SENP7: variants seen among roughly 807,000 people sequenced by gnomAD.
SENP7 encodes the protein sentrin-specific protease 7.
Under a neutral mutation model 141.2 loss-of-function variants are expected in SENP7, and 64 were observed. That is an observed-to-expected ratio of 0.45 (90% CI 0.37 to 0.56). The LOEUF (loss-of-function observed/expected upper bound fraction) is 0.56. Among genes scored for constraint, SENP7 ranks in the 20% least tolerant of loss-of-function variants. SENP7 has a pLI of 0.00. For missense variants in SENP7, 1,025 were observed against 1,212.2 expected (o/e 0.85, Z 2.29); for synonymous variants, 382 against 426.4 (o/e 0.90, Z 1.28).
intron 12 of SENP7, among the ~76,000 whole-genome samples, chr3:101,350,548 T>A (rs957284520): frequency 2.2e-4 from 33 of 152,032 alleles, no homozygotes; most frequent in African/African-American, 8.0e-4. Flanking sequence ...TTTTCCACAA[T>A]CTGTAATAAA....
chr3:101,379,443 C>A (rs1469143319), intron 6 of SENP7, among the ~76,000 whole-genome samples: 2 of 152,072 alleles, frequency 1.3e-5, no homozygotes, highest in South Asian at 4.1e-4. Flanking sequence ...AATCCCATAT[C>A]TATTAAGGGA....
intron 3 of SENP7, among the ~76,000 whole-genome samples, chr3:101,474,618 T>C (rs1490553301): frequency 6.6e-6 from 1 of 152,190 alleles, no homozygotes; most frequent in Non-Finnish European, 1.5e-5. Context: ...GATCATGCTG[T>C]CTGCAAATAG....
chr3:101,511,307 T>C (rs1221171147), intron 1 of SENP7, among the ~76,000 whole-genome samples: 2 of 152,208 alleles, frequency 1.3e-5, no homozygotes, highest in African/African-American at 4.8e-5. Context: ...AAAAGGAACG[T>C]GACTTGTTGA....
intron 6 of SENP7, among the ~76,000 whole-genome samples, chr3:101,386,692 C>T (rs1336481088): frequency 6.6e-6 from 1 of 152,186 alleles, no homozygotes; most frequent in South Asian, 2.1e-4. Flanking sequence ...ACAAGTAGTG[C>T]AATGCTCCAG....
intron 4 of SENP7, among the ~76,000 whole-genome samples, chr3:101,453,886 AAAC>A (rs2063252263): frequency 6.6e-6 from 1 of 152,154 alleles, no homozygotes; most frequent in African/African-American, 2.4e-5. Context: ...TAAAAAAAAA[AAAC>A]AAATGACCAA....
chr3:101,506,750 G>C (rs894651079), intron 1 of SENP7, among the ~76,000 whole-genome samples: 1 of 152,224 alleles, frequency 6.6e-6, no homozygotes, highest in African/African-American at 2.4e-5. Flanking sequence ...TTCTTGGAAA[G>C]GCACAACTGA....
intron 18 of SENP7, among the ~76,000 whole-genome samples, 182 bp from the exon 19 acceptor site, chr3:101,332,291 A>G (rs1178678421): frequency 6.6e-6 from 1 of 152,202 alleles, no homozygotes; most frequent in Non-Finnish European, 1.5e-5. Flanking sequence ...TTACCAAGGC[A>G]TAAGTAACAC....
intron 11 of SENP7, among the ~76,000 whole-genome samples, chr3:101,356,035 C>T (rs2059733801): frequency 6.6e-6 from 1 of 151,676 alleles, no homozygotes; most frequent in Admixed American, 6.6e-5. Context: ...TATATGAGTG[C>T]TAGTGATTTT....
rs532657885 is a variant in SENP7, at chr3:101,468,512, G to C, written c.187-9460C>G. ...CCATCAAACTAATGGTGGATCTCTC[G>C]GAAGAAACCCTATAAGCCAGAAGAG... is the stretch of plus-strand genomic sequence containing the variant. On this transcript the variant is annotated intron_variant, in intron 3 of 23. Coordinates refer to ENST00000394095, the MANE Select transcript of SENP7 (RefSeq NM_020654.5). Among the ~76,000 whole-genome samples the C allele has an allele frequency of 3.3e-5, 5 of 152,124 alleles. No individual in the cohort carries two copies. In the South Asian group the frequency reaches 8.3e-4, roughly 25 times the overall value.
chr3:101,385,293 G>A (rs1336741557), intron 6 of SENP7, among the ~76,000 whole-genome samples: 2 of 152,010 alleles, frequency 1.3e-5, no homozygotes, highest in African/African-American at 4.8e-5. Flanking sequence ...CAACCTCAAA[G>A]CCCACCCTCA....
chr3:101,503,636 T>C (rs1365220898), intron 1 of SENP7, among the ~76,000 whole-genome samples: 2 of 152,142 alleles, frequency 1.3e-5, no homozygotes, highest in Non-Finnish European at 2.9e-5. Context: ...AATAAACCTA[T>C]GGTAACACTA....
chr3:101,438,020 G>A (rs903406521), intron 4 of SENP7, among the ~76,000 whole-genome samples: 5 of 151,812 alleles, frequency 3.3e-5, no homozygotes, highest in African/African-American at 1.2e-4. Flanking sequence ...ATGAGGTACG[G>A]CCATTGCAGA....
chr3:101,332,409 T>G (rs1559678751), intron 18 of SENP7, among the ~76,000 whole-genome samples: 1 of 152,128 alleles, frequency 6.6e-6, no homozygotes, highest in Non-Finnish European at 1.5e-5. Context: ...ATTTTTTTTG[T>G]ATTGGTGCTT....
intron 5 of SENP7, among the ~76,000 whole-genome samples, chr3:101,412,350 T>G (rs1397526411): frequency 6.6e-6 from 1 of 152,068 alleles, no homozygotes; most frequent in Non-Finnish European, 1.5e-5. Context: ...CTTAAAGGTA[T>G]GTATAAAAAA....
At chr3:101,338,644 A>G (rs1023184809) in intron 16 of SENP7, among the ~76,000 whole-genome samples, 24 of 152,176 alleles carry the variant, frequency 1.6e-4, no homozygotes, top group Non-Finnish European at 2.9e-4. Flanking sequence ...TATTCAGGAG[A>G]GTATTAAACA....
intron 5 of SENP7, among the ~76,000 whole-genome samples, chr3:101,409,749 C>A (rs1217442006): frequency 6.6e-6 from 1 of 152,156 alleles, no homozygotes; most frequent in African/African-American, 2.4e-5. Context: ...GAGAATGAAA[C>A]TGGAGCCTCA....
At chr3:101,464,968 ATACAT>A (rs1441454440) in intron 3 of SENP7, among the ~76,000 whole-genome samples, 1 of 152,200 alleles carries the variant, frequency 6.6e-6, no homozygotes, top group Non-Finnish European at 1.5e-5. Flanking sequence ...AAGAATGAAA[ATACAT>A]TATAACAAAA....
chr3:101,473,080 C>T (rs560325936), intron 3 of SENP7, among the ~76,000 whole-genome samples: 40 of 152,344 alleles, frequency 2.6e-4, no homozygotes, highest in Non-Finnish European at 4.1e-4. Context: ...CTGCAACAGA[C>T]ATGATCTCAT....
chr3:101,410,908 G>A (rs1576264152), intron 5 of SENP7, among the ~76,000 whole-genome samples: 1 of 88,632 alleles, frequency 1.1e-5, no homozygotes, highest in East Asian at 3.4e-4. Flanking sequence ...TATGGTATCT[G>A]TAGCAAAGTC....
Sources: gnomAD v4.1 joint callset for allele counts (sites outside exome capture counted in the v4.1 genomes callset) on GRCh38, gnomAD v4.1.1 for gene constraint, MANE v1.5 for transcripts, NCBI Gene and HGNC (gene_info 2026-07-23, HGNC 2026-07-21) for gene names.